CRBN: variants seen among roughly 807,000 people sequenced by gnomAD.
CRBN encodes protein cereblon.
CRBN carries 53 observed loss-of-function variants against 62.2 expected under a neutral mutation model. The ratio of observed to expected loss-of-function variants is 0.85; its 90% CI spans 0.68 to 1.07. The LOEUF (loss-of-function observed/expected upper bound fraction) is 1.07, where lower values mean the gene tolerates loss of function less well. Ranked by LOEUF, CRBN falls within the 50% of genes least tolerant of loss-of-function variation. CRBN has a pLI of 0.00. For synonymous variants in CRBN, 208 were observed against 176.1 expected (o/e 1.18, Z -1.43); for missense variants, 616 against 531.1 (o/e 1.16, Z -1.57).
Position 3,167,773 on chromosome 3 carries a change from T to G in CRBN, c.548A>C (p.Gln183Pro). Residue 183 changes from glutamine to proline, a missense_variant, in exon 5 of 11, where the codon CAA becomes CCA. Physicochemically the swap from Gln to Pro is moderately conservative, Grantham distance 76. Transcript: ENST00000231948. Reference protein sequence around the residue: ...QSDGIQQAKVQILPECVLPST... With the variant: ...QSDGIQQAKVPILPECVLPST... ...AGGCAACACACATTCGGGAAGAATT[T>G]GCACTTTAGCTTGCTGGATTCTAAA... The G allele has an allele frequency of 1.2e-6, 2 of 1,613,580 alleles. No individual in the cohort carries two copies. Among genetic ancestry groups the G allele is most frequent in the East Asian group, 2.2e-5 (1 of 44,832 alleles).
In CRBN at chr3:3,167,648, G is replaced by T. The variant is rs755237739; in HGVS notation, c.673C>A (p.Gln225Lys). The T allele has an allele frequency of 6.2e-7, 1 of 1,612,546 alleles. No homozygotes were observed. Among genetic ancestry groups the T allele is most frequent in the East Asian group, 2.2e-5 (1 of 44,748 alleles). ...REDQCSYKWW[Q>K]KYQKRKFHCA... ...TAGTTTCTCACCTTCTGGTATTTCT[G>T]CCACCATTTATATGAACATTGGTCT... is the stretch of plus-strand genomic sequence containing the variant. The change falls in exon 5 of 11, where the codon CAG (glutamine) becomes AAG (lysine). Residue 225 changes from glutamine to lysine, a missense_variant. Gln to Lys is a moderately conservative substitution (Grantham distance 53). Coordinates refer to ENST00000231948, the MANE Select transcript of CRBN (RefSeq NM_016302.4).
At position 3,154,045 on chromosome 3, in the gene CRBN, G is replaced by A; in HGVS notation, c.866C>T (p.Pro289Leu). Reference protein sequence around the residue: ...DFSYRVAACLPIDDVLRIQLL... With the variant: ...DFSYRVAACLLIDDVLRIQLL... ...CTGAATTCTCAATACATCATCAATA[G>A]GAAGACAAGCAGCTACTCTGTAAGA... The change falls in exon 8 of 11, where the codon CCT becomes CTT. Residue 289 changes from proline to leucine, a missense_variant. Coordinates refer to ENST00000231948, the MANE Select transcript of CRBN (RefSeq NM_016302.4). The A allele has an allele frequency of 6.2e-7, 1 of 1,613,260 alleles. No individual in the cohort carries two copies. Among genetic ancestry groups the A allele is most frequent in the Non-Finnish European group, 8.5e-7 (1 of 1,179,246 alleles).
chr3:3,153,509 A>G, intron 8 of CRBN, 21 bp from the exon 9 acceptor site: 2 of 1,430,182 alleles, frequency 1.4e-6, no homozygotes, highest in East Asian at 4.6e-5. Context: ...TGAGAGAAAA[A>G]TTATTGGTAG....
chr3:3,153,063 C>A, intron 9 of CRBN: 1 of 303,682 alleles, frequency 3.3e-6, no homozygotes, highest in South Asian at 3.5e-5. Flanking sequence ...AGAAGCATGT[C>A]CTACTTTGGC....
intron 1 of CRBN, among the ~76,000 whole-genome samples, chr3:3,177,306 C>T (rs1196362763): frequency 1.3e-5 from 2 of 152,096 alleles, no homozygotes; most frequent in Non-Finnish European, 2.9e-5. Flanking sequence ...TAAGTCAAAC[C>T]ACCTCTAGCC....
chr3:3,150,537 C>A lies in CRBN; in HGVS notation c.*328G>T. The stretch of plus-strand genomic sequence containing the variant: ...TTTAAGATTTTTTTTTTTTTTAACA[C>A]AGGAAATAATCTCATCATTTCCAAA... On this transcript the variant is annotated 3_prime_UTR_variant, in exon 11 of 11. Coordinates refer to ENST00000231948, the MANE Select transcript of CRBN (RefSeq NM_016302.4). The A allele has an allele frequency of 1.0e-5, 2 of 195,318 alleles. No homozygotes were observed. Among genetic ancestry groups the A allele is most frequent in the South Asian group, 8.8e-5 (1 of 11,388 alleles). 12.1% of individuals were successfully genotyped at this position (195,318 alleles called of 1,614,324 possible). A position where few individuals can be genotyped will look rare whatever the true frequency, so the allele number is the denominator to read the frequency against.
intron 5 of CRBN, among the ~76,000 whole-genome samples, chr3:3,165,656 A>G (rs1305140426): frequency 6.6e-6 from 1 of 152,224 alleles, no homozygotes; most frequent in Non-Finnish European, 1.5e-5. Flanking sequence ...TATTGTGTGA[A>G]TAAAACTTTT....
At position 3,154,790 on chromosome 3, in the gene CRBN, C is replaced by A; in HGVS notation, c.792G>T (p.Trp264Cys). 6.2e-7 allele frequency: 1 copy of A among 1,607,724 alleles called. No homozygotes were observed. Among genetic ancestry groups the A allele is most frequent in the East Asian group, 2.2e-5 (1 of 44,826 alleles). Residue 264 changes from tryptophan to cysteine, a missense_variant, in exon 7 of 11, where the codon TGG becomes TGT. By Grantham distance (215) the Trp-to-Cys change is radical. Transcript: ENST00000231948. ...MDRIKKQLRE[W>C]DENLKDDSLP... Reference sequence around the variant, plus strand: ...GAGAATCATCTTTTAGATTTTCATCCCATTCACGTAGCTGTTTCTTGATTC... The same window carrying A: ...GAGAATCATCTTTTAGATTTTCATCACATTCACGTAGCTGTTTCTTGATTC...
chr3:3,158,140 G>A (rs1398035815), intron 5 of CRBN, among the ~76,000 whole-genome samples: 4 of 152,160 alleles, frequency 2.6e-5, no homozygotes, highest in Admixed American at 1.3e-4. Flanking sequence ...TGGGGTGGAG[G>A]ATGGTTTTGG....
Position 3,153,954 on chromosome 3 carries a change from A to ACT in CRBN, c.951+4_951+5dup. On this transcript the variant is annotated splice_donor_region_variant and intron_variant, in intron 8 of 10. Transcript: ENST00000231948. ...TGGGCATCAAAAACATATTCACTTT[A>ACT]CTCACTTTATTCATAATGTCTAATT... The ACT allele has an allele frequency of 6.5e-7, 1 of 1,543,514 alleles. No homozygotes were observed. The highest frequency in any genetic ancestry group is 9.0e-7 in the Non-Finnish European group (1 of 1,115,688).
At chr3:3,179,112 A>G (rs1289008388) in intron 1 of CRBN, among the ~76,000 whole-genome samples, 1 of 152,206 alleles carries the variant, frequency 6.6e-6, no homozygotes, top group East Asian at 1.9e-4. Context: ...AAGTCATTGA[A>G]CTAATCTGCA....
At chr3:3,176,845 T>C (rs1391139638) in intron 1 of CRBN, among the ~76,000 whole-genome samples, 1 of 152,228 alleles carries the variant, frequency 6.6e-6, no homozygotes, top group African/African-American at 2.4e-5. Context: ...AAGAATGTCT[T>C]AGAAAACCAG....
intron 6 of CRBN, chr3:3,155,102 C>T (rs1706825986): frequency 2.1e-6 from 1 of 469,158 alleles, no homozygotes; most frequent in East Asian, 3.9e-5. Context: ...TGTTCTATGC[C>T]CCTGCTTGGA....
chr3:3,171,027 A>T (rs567745416), intron 4 of CRBN, among the ~76,000 whole-genome samples: 118 of 151,696 alleles, frequency 7.8e-4, no homozygotes, highest in African/African-American at 2.6e-3. Flanking sequence ...CTGATCTCAA[A>T]CTCGTGAGCT....
At chr3:3,165,192 A>G (rs1055073937) in intron 5 of CRBN, among the ~76,000 whole-genome samples, 2 of 152,230 alleles carry the variant, frequency 1.3e-5, no homozygotes, top group Admixed American at 6.5e-5. Context: ...TGGATGAGCA[A>G]ATAAAGTGGT....
chr3:3,179,063 C>G (rs887858927), intron 1 of CRBN, among the ~76,000 whole-genome samples: 1 of 152,136 alleles, frequency 6.6e-6, no homozygotes, highest in African/African-American at 2.4e-5. Context: ...GACAGACACA[C>G]CCGGGTTGGA....
chr3:3,177,286 T>C (rs1412346770), intron 1 of CRBN, among the ~76,000 whole-genome samples: 1 of 152,238 alleles, frequency 6.6e-6, no homozygotes, highest in East Asian at 1.9e-4. Flanking sequence ...TTCCTTTGCA[T>C]ATCATTATTT....
chr3:3,176,308 C>T (rs7653106), intron 1 of CRBN, among the ~76,000 whole-genome samples: 1 of 152,216 alleles, frequency 6.6e-6, no homozygotes, highest in East Asian at 1.9e-4. Context: ...CAACTTCAAT[C>T]AGTTCCTACA....
In CRBN at chr3:3,150,079, G is replaced by C. The variant is rs542168380; in HGVS notation, c.*786C>G. ...AATTTACATTGAACAAAATAATACA[G>C]TATCAAGTTTAGTCTGGGTGAGGGG... On this transcript the variant is annotated 3_prime_UTR_variant, in exon 11 of 11. Coordinates refer to ENST00000231948, the MANE Select transcript of CRBN (RefSeq NM_016302.4). 1 of 152,150 alleles carries C rather than the reference G, an allele frequency of 6.6e-6. No individual in the cohort carries two copies. Among genetic ancestry groups the C allele is most frequent in the Admixed American group, 6.6e-5 (1 of 15,266 alleles). The allele number at this position is 152,150 out of a possible 1,614,324, so 9.4% of individuals were successfully genotyped here.
Sources: allele counts gnomAD v4.1 joint callset (sites outside exome capture counted in the v4.1 genomes callset), GRCh38; gene constraint gnomAD v4.1.1; transcripts MANE v1.5; gene names NCBI Gene and HGNC (gene_info 2026-07-23, HGNC 2026-07-21).